Variants in DDX46 observed in about 807,000 individuals in gnomAD.
DDX46 encodes probable ATP-dependent RNA helicase DDX46.
Under a neutral mutation model 134.9 loss-of-function variants are expected in DDX46, and 30 were observed. The ratio of observed to expected loss-of-function variants is 0.22; its 90% CI spans 0.17 to 0.30. The LOEUF is 0.30. Ranked by LOEUF, DDX46 falls within the 10% of genes least tolerant of loss-of-function variation. The probability of loss-of-function intolerance (pLI) is 1.00; values close to 1 mark genes in which losing one functional copy is unlikely to be tolerated. For synonymous variants in DDX46, 415 were observed against 404.1 expected (o/e 1.03, Z -0.32); for missense variants, 622 against 1,248.7 (o/e 0.50, Z 7.56).
chr5:134,772,649 G>A lies in DDX46; in HGVS notation c.448-1047G>A, dbSNP rs1157710655. On this transcript the variant is annotated intron_variant, in intron 4 of 22. Transcript: ENST00000452510. ...CTCCTGAGTAGCTGGGATTACAGGT[G>A]CATGCCACCACGCCCAGCTAATTTT... is the stretch of plus-strand genomic sequence containing the variant. Among the ~76,000 whole-genome samples the A allele has an allele frequency of 3.3e-5, 5 of 152,292 alleles. No individual in the cohort carries two copies. The East Asian group carries it at 7.7e-4, about 24-fold the overall frequency.
chr5:134,807,658 A>G, intron 15 of DDX46, 90 bp from the exon 16 acceptor site: 1 of 1,193,480 alleles, frequency 8.4e-7, no homozygotes, highest in South Asian at 1.6e-5. Context: ...TGGATGTGTC[A>G]ATTTGTTCTT....
At chr5:134,775,674 A>G (rs374406449) in intron 5 of DDX46, among the ~76,000 whole-genome samples, 5 of 151,974 alleles carry the variant, frequency 3.3e-5, no homozygotes, top group South Asian at 2.1e-4. Context: ...GCCTATTTTT[A>G]GTAGAGATGG....
chr5:134,771,079 TTCTTTCTTTC>T, intron 4 of DDX46, 80 bp downstream of exon 4: 1 of 625,524 alleles, frequency 1.6e-6, no homozygotes, highest in Non-Finnish European at 2.7e-6. Context: ...CCCTCTTTCT[TTCTTTCTTTC>T]TCTTTCTTTC....
At chr5:134,802,796 C>T (rs1320396947) in intron 15 of DDX46, among the ~76,000 whole-genome samples, 1 of 151,902 alleles carries the variant, frequency 6.6e-6, no homozygotes, top group Non-Finnish European at 1.5e-5. Context: ...CTTTGTATGT[C>T]TAGTAATTTC....
intron 18 of DDX46, among the ~76,000 whole-genome samples, chr5:134,815,775 CA>C (rs1255183766): frequency 6.8e-6 from 1 of 146,960 alleles, no homozygotes; most frequent in Non-Finnish European, 1.5e-5. Context: ...CCTGTCAAAG[CA>C]AAGCATTCAT....
chr5:134,794,472 C>T (rs1191910294), intron 13 of DDX46, among the ~76,000 whole-genome samples: 1 of 152,146 alleles, frequency 6.6e-6, no homozygotes, highest in Non-Finnish European at 1.5e-5. Flanking sequence ...CCAGAATCCT[C>T]CTCTTTTTGT....
intron 21 of DDX46, among the ~76,000 whole-genome samples, chr5:134,824,445 T>A (rs1755536204): frequency 1.3e-5 from 2 of 152,006 alleles, no homozygotes; most frequent in South Asian, 2.1e-4. Flanking sequence ...AAAAATTAGC[T>A]GGGCATGGTG....
chr5:134,765,056 CTT>C (rs61601059), intron 2 of DDX46, among the ~76,000 whole-genome samples: 4 of 141,250 alleles, frequency 2.8e-5, no homozygotes, highest in Non-Finnish European at 3.1e-5. Context: ...GCGCCTTAAT[CTT>C]TTTTTTTTTT....
At chr5:134,797,186 A>AC (rs1561865679) in intron 15 of DDX46, 3 of 291,154 alleles carry the variant, frequency 1.0e-5, no homozygotes, top group East Asian at 1.2e-4. Context: ...AAAAAAAAAA[A>AC]AAAAAAAAAA....
chr5:134,828,533 T>C (rs1231046857), intron 22 of DDX46, 126 bp from the exon 23 acceptor site: 1 of 536,742 alleles, frequency 1.9e-6, no homozygotes, highest in African/African-American at 2.0e-5. Context: ...GTTTTATAAG[T>C]TGGCAAAGGA....
chr5:134,770,577 T>A (rs1026868676), intron 3 of DDX46, among the ~76,000 whole-genome samples: 1 of 152,092 alleles, frequency 6.6e-6, no homozygotes, highest in Non-Finnish European at 1.5e-5. Context: ...ATTGAGAGGC[T>A]GAGGTGGGCA....
Position 134,810,343 on chromosome 5 carries a change from CT to C in DDX46, c.2149-866del, listed in dbSNP as rs566528907. On this transcript the variant is annotated intron_variant, in intron 16 of 22. Transcript: ENST00000452510. ...CATTTGTGTAAAATTACCTATGTTT[CT>C]TTTTTTTTTTTGAGACGGAGTTTCA... is the stretch of plus-strand genomic sequence containing the variant. Among the ~76,000 whole-genome samples, 1,378 of 144,674 alleles carry C rather than the reference CT, an allele frequency of 9.5e-3. 7 individuals carry two copies. Among genetic ancestry groups the C allele is most frequent in the Middle Eastern group, 0.036 (10 of 274 alleles). 94.9% of individuals were successfully genotyped at this position (144,674 alleles called of 152,430 possible).
intron 13 of DDX46, among the ~76,000 whole-genome samples, chr5:134,791,345 G>A (rs1324211281): frequency 6.6e-6 from 1 of 152,124 alleles, no homozygotes; most frequent in Admixed American, 6.5e-5. Flanking sequence ...TGGTAGATGA[G>A]GTCAGGAGAT....
At chr5:134,794,778 T>A in intron 13 of DDX46, 72 bp from the exon 14 acceptor site, 1 of 1,549,954 alleles carries the variant, frequency 6.5e-7, no homozygotes, top group Non-Finnish European at 8.7e-7. Flanking sequence ...TTCCTTTTAC[T>A]TGGTTTTAAC....
intron 2 of DDX46, among the ~76,000 whole-genome samples, chr5:134,765,281 C>T (rs771979783): frequency 6.6e-6 from 1 of 150,508 alleles, no homozygotes; most frequent in African/African-American, 2.4e-5. Context: ...TATGGTGGCT[C>T]ATGCCTGTAA....
At chr5:134,819,332 G>A (rs1427333140) in intron 21 of DDX46, among the ~76,000 whole-genome samples, 1 of 152,162 alleles carries the variant, frequency 6.6e-6, no homozygotes, top group Non-Finnish European at 1.5e-5. Flanking sequence ...TAAATCAAGT[G>A]TATTAGTCCA....
Position 134,811,166 on chromosome 5 carries a change from A to G in DDX46, c.2149-55A>G, listed in dbSNP as rs566062805. ...TGGATCAGATTTTATCTTATGATCT[A>G]AGTAGGATCCATCTTGTTAGTGTCT... is the stretch of plus-strand genomic sequence containing the variant. On this transcript the variant is annotated intron_variant, in intron 16 of 22. Transcript: ENST00000452510. 5 of 1,527,692 alleles carry G rather than the reference A, an allele frequency of 3.3e-6. No homozygotes were observed. The South Asian group carries it at 5.8e-5, about 18-fold the overall frequency. The allele number at this position is 1,527,692 out of a possible 1,614,324, so 94.6% of individuals were successfully genotyped here.
In DDX46 at chr5:134,819,034, G is replaced by A. The variant is rs190105530; in HGVS notation, c.2977+30G>A. On this transcript the variant is annotated intron_variant, in intron 21 of 22. Coordinates refer to ENST00000452510, the MANE Select transcript of DDX46 (RefSeq NM_001300860.2). Reference sequence around the variant, plus strand: ...GTACTGTTAGTTCTGTTTCAATCTTGAATTTAGATCAAGGTTGATGTAGAT... The same window carrying A: ...GTACTGTTAGTTCTGTTTCAATCTTAAATTTAGATCAAGGTTGATGTAGAT... The A allele has an allele frequency of 6.5e-4, 1,042 of 1,607,960 alleles. 4 individuals are homozygous for A. In the African/African-American group the frequency reaches 0.012, roughly 18 times the overall value.
intron 13 of DDX46, among the ~76,000 whole-genome samples, chr5:134,793,630 C>T (rs986290620): frequency 6.6e-6 from 1 of 152,088 alleles, no homozygotes; most frequent in East Asian, 1.9e-4. Context: ...GTCTCGAACT[C>T]CTGAGCTCAA....
Sources: allele counts gnomAD v4.1 joint callset (sites outside exome capture counted in the v4.1 genomes callset), GRCh38; gene constraint gnomAD v4.1.1; transcripts MANE v1.5; gene names NCBI Gene and HGNC (gene_info 2026-07-23, HGNC 2026-07-21).